CNTNAP5: variants seen among roughly 807,000 people sequenced by gnomAD.
The protein encoded by CNTNAP5 is contactin-associated protein-like 5.
CNTNAP5 carries 72 observed loss-of-function variants against 150.2 expected under a neutral mutation model. The observed-to-expected ratio is 0.48, with a 90% CI of 0.40 to 0.58. CNTNAP5 has a LOEUF of 0.58. Ranked by LOEUF, CNTNAP5 falls within the 20% of genes least tolerant of loss-of-function variation. The pLI, the probability that CNTNAP5 is intolerant of heterozygous loss-of-function variation, is 0.00. For missense variants in CNTNAP5, 1,636 were observed against 1,626.2 expected, an observed-to-expected ratio of 1.01 and a Z score of -0.10; for synonymous variants, 672 against 619.8, an observed-to-expected ratio of 1.08 and a Z score of -1.25.
intron 3 of CNTNAP5, among the ~76,000 whole-genome samples, chr2:124,344,066 G>T (rs1367563175): frequency 6.6e-6 from 1 of 152,032 alleles, no homozygotes; most frequent in Admixed American, 6.6e-5. Context: ...CCACCACAAG[G>T]GCAGAGCCCT....
chr2:124,433,143 G>T (rs1459318616), intron 4 of CNTNAP5, among the ~76,000 whole-genome samples: 1 of 152,216 alleles, frequency 6.6e-6, no homozygotes, highest in East Asian at 1.9e-4. Context: ...ACTATTCCAT[G>T]AGTGGTGGCA....
chr2:124,522,282 G>A lies in CNTNAP5; in HGVS notation c.1328-2021G>A, dbSNP rs190428587. Among the ~76,000 whole-genome samples, 143 of 152,256 alleles carry A rather than the reference G, an allele frequency of 9.4e-4. 3 individuals are homozygous for A. In the East Asian group the frequency reaches 0.015, roughly 16 times the overall value. On this transcript the variant is annotated intron_variant, in intron 8 of 23. Transcript: ENST00000682447. ...GGGCTGCTCTGGTAGGCTCTACCAA[G>A]GCAGGTCTATTTTACCTGCAGAAAT...
intron 3 of CNTNAP5, among the ~76,000 whole-genome samples, chr2:124,279,296 C>T (rs1687959663): frequency 6.6e-6 from 1 of 151,646 alleles, no homozygotes; most frequent in South Asian, 2.1e-4. Flanking sequence ...GCCTGTCTTC[C>T]TATGTGTAGT....
chr2:124,043,137 T>TA lies in CNTNAP5; in HGVS notation c.82+17409dup, dbSNP rs1222744769. Reference sequence around the variant, plus strand: ...TCTGCCTTTTGAAAAAGGAAAGTGATAAAATCAGAAGTAAGAGACTGCTGG... The same window carrying TA: ...TCTGCCTTTTGAAAAAGGAAAGTGATAAAAATCAGAAGTAAGAGACTGCTGG... On this transcript the variant is annotated intron_variant, in intron 1 of 23. Coordinates refer to ENST00000682447, the MANE Select transcript of CNTNAP5 (RefSeq NM_001367498.1). 2.0e-5 allele frequency among the ~76,000 whole-genome samples: 3 copies of TA among 152,202 alleles called. No homozygotes were observed. The East Asian group carries it at 5.8e-4, about 29-fold the overall frequency.
Position 124,747,221 on chromosome 2 carries a change from T to C in CNTNAP5, c.2078-8T>C. ...CTACCCTGACTGGTGGAATATCTTG[T>C]CTTCCAGATGGAACACCATTTACCT... is the stretch of plus-strand genomic sequence containing the variant. On this transcript the variant is annotated splice_polypyrimidine_tract_variant and splice_region_variant and intron_variant, in intron 13 of 23. Transcript: ENST00000682447. 6.2e-7 allele frequency: 1 copy of C among 1,610,568 alleles called. No homozygotes were observed. The highest frequency in any genetic ancestry group is 8.5e-7 in the Non-Finnish European group (1 of 1,177,270).
At chr2:124,793,200 T>C (rs1041210929) in intron 18 of CNTNAP5, among the ~76,000 whole-genome samples, 1 of 152,220 alleles carries the variant, frequency 6.6e-6, no homozygotes, top group African/African-American at 2.4e-5. Context: ...ACACTTTTTA[T>C]TGTCTGATTT....
intron 21 of CNTNAP5, among the ~76,000 whole-genome samples, chr2:124,898,394 T>C (rs1558818215): frequency 6.6e-6 from 1 of 151,452 alleles, no homozygotes; most frequent in Non-Finnish European, 1.5e-5. Flanking sequence ...CAAACCTGCC[T>C]GCACAAAATT....
At chr2:124,555,051 G>A (rs1384207755) in intron 10 of CNTNAP5, among the ~76,000 whole-genome samples, 1 of 152,120 alleles carries the variant, frequency 6.6e-6, no homozygotes, top group African/African-American at 2.4e-5. Context: ...ACTGTCAACT[G>A]ATACTGAGTC....
chr2:124,125,416 GC>G (rs1237624184), intron 1 of CNTNAP5, among the ~76,000 whole-genome samples: 2 of 152,124 alleles, frequency 1.3e-5, no homozygotes, highest in African/African-American at 2.4e-5. Flanking sequence ...CATAAAGCAA[GC>G]CCTTAGAGAC....
chr2:124,274,640 C>T (rs961303), intron 3 of CNTNAP5, among the ~76,000 whole-genome samples: 47,821 of 152,058 alleles, frequency 0.31, 7,791 homozygotes, highest in South Asian at 0.51. Context: ...GGACTCCAGA[C>T]GTGCAGACTT....
chr2:124,900,543 A>C (rs921445004), intron 21 of CNTNAP5, among the ~76,000 whole-genome samples: 6 of 151,442 alleles, frequency 4.0e-5, no homozygotes, highest in African/African-American at 1.5e-4. Context: ...TTTATTTAAA[A>C]CATCTCTTCA....
intron 13 of CNTNAP5, among the ~76,000 whole-genome samples, chr2:124,724,241 A>AT (rs1005302836): frequency 7.3e-5 from 11 of 151,590 alleles, no homozygotes; most frequent in East Asian, 3.9e-4. Flanking sequence ...GCACTTCAAC[A>AT]TTTTTTTTGT....
At chr2:124,450,220 A>G (rs1692931496) in intron 6 of CNTNAP5, among the ~76,000 whole-genome samples, 1 of 151,570 alleles carries the variant, frequency 6.6e-6, no homozygotes, top group Non-Finnish European at 1.5e-5. Flanking sequence ...ACTCTGATAT[A>G]TACTTCTGAT....
intron 13 of CNTNAP5, among the ~76,000 whole-genome samples, chr2:124,703,506 C>A (rs1302411224): frequency 6.6e-6 from 1 of 152,104 alleles, no homozygotes; most frequent in Non-Finnish European, 1.5e-5. Context: ...GCATAAAAAT[C>A]TAGGCAAAGT....
intron 3 of CNTNAP5, among the ~76,000 whole-genome samples, chr2:124,387,944 T>A (rs1462048029): frequency 6.6e-6 from 1 of 152,132 alleles, no homozygotes; most frequent in African/African-American, 2.4e-5. Flanking sequence ...TCCTAGAGAA[T>A]CAGGAGTGAG....
At chr2:124,812,690 T>A (rs1682263061) in intron 19 of CNTNAP5, among the ~76,000 whole-genome samples, 1 of 152,184 alleles carries the variant, frequency 6.6e-6, no homozygotes, top group Non-Finnish European at 1.5e-5. Context: ...TGAAAAATTG[T>A]AGATCTACCT....
intron 11 of CNTNAP5, among the ~76,000 whole-genome samples, chr2:124,598,171 GTT>G (rs1344695329): frequency 7.3e-6 from 1 of 137,884 alleles, no homozygotes; most frequent in Non-Finnish European, 1.5e-5. Flanking sequence ...ATCCAGCTTT[GTT>G]CCGTTGCTGG....
intron 6 of CNTNAP5, among the ~76,000 whole-genome samples, chr2:124,470,988 T>G (rs1012002740): frequency 2.6e-5 from 4 of 152,184 alleles, no homozygotes; most frequent in Non-Finnish European, 5.9e-5. Flanking sequence ...GTAGTATAGT[T>G]TGAAGAAGGG....
Position 124,673,182 on chromosome 2 carries a change from C to T in CNTNAP5, c.2077+25224C>T, listed in dbSNP as rs530710287. Among the ~76,000 whole-genome samples, 17 of 152,220 alleles carry T rather than the reference C, an allele frequency of 1.1e-4. No homozygotes were observed. The East Asian group carries it at 2.1e-3, about 19-fold the overall frequency. ...ATTATTAGCAGTATTGAGCTTACTA[C>T]TAACAATAACAGTTCTGTCTTAAGA... On this transcript the variant is annotated intron_variant, in intron 13 of 23. Transcript: ENST00000682447.
Sources: gnomAD v4.1 joint callset for allele counts (sites outside exome capture counted in the v4.1 genomes callset) on GRCh38, gnomAD v4.1.1 for gene constraint, MANE v1.5 for transcripts, NCBI Gene and HGNC (gene_info 2026-07-23, HGNC 2026-07-21) for gene names.